Variants in GALNT13 observed in about 807,000 individuals in gnomAD.
GALNT13 encodes polypeptide N-acetylgalactosaminyltransferase 13, also known as UDP-GalNAc:polypeptide N-acetylgalactosaminyltransferase 13.
GALNT13 carries 28 observed loss-of-function variants against 64.2 expected under a neutral mutation model. The observed-to-expected ratio is 0.44, with a 90% confidence interval of 0.32 to 0.60. The LOEUF (loss-of-function observed/expected upper bound fraction) is 0.60, where lower values mean the gene tolerates loss of function less well. GALNT13 is among the 20% of genes least tolerant of loss of function. GALNT13 has a pLI of 0.05. For missense variants in GALNT13, 577 were observed against 669.8 expected, an observed-to-expected ratio of 0.86 and a Z score of 1.53; for synonymous variants, 214 against 224.6, an observed-to-expected ratio of 0.95 and a Z score of 0.42.
rs981712128 is a variant in GALNT13, at chr2:154,033,662, G to A, written c.142+89023G>A. On this transcript the variant is annotated intron_variant, in intron 3 of 12. Coordinates refer to ENST00000392825, the MANE Select transcript of GALNT13 (RefSeq NM_052917.4). ...AACTTTATAAAAACTGAAAGGGGCC[G>A]AGCGTGGTGGCTTACGCCTGTAATC... Among the ~76,000 whole-genome samples, 8 of 152,120 alleles carry A rather than the reference G, an allele frequency of 5.3e-5. No individual in the cohort carries two copies. The South Asian group carries it at 8.3e-4, about 16-fold the overall frequency.
At chr2:154,067,669 ACATTGGACTTAATCTG>A (rs1700539278) in intron 3 of GALNT13, among the ~76,000 whole-genome samples, 1 of 152,102 alleles carries the variant, frequency 6.6e-6, no homozygotes, top group Non-Finnish European at 1.5e-5. Context: ...AGACAAAGAA[ACATTGGACTTAATCTG>A]CATTATGTCT....
the GALNT13 span, among the ~76,000 whole-genome samples, chr2:153,437,874 G>A: frequency 2.0e-5 from 3 of 152,318 alleles, no homozygotes; most frequent in East Asian, 5.8e-4. Flanking sequence ...TCATTATGAT[G>A]TTAGCTAGTT....
the GALNT13 span, among the ~76,000 whole-genome samples, chr2:153,114,242 A>C: frequency 6.6e-6 from 1 of 152,078 alleles, no homozygotes; most frequent in Admixed American, 6.6e-5. Flanking sequence ...ACGTAAGTTT[A>C]GTTGGTCAGC....
the GALNT13 span, among the ~76,000 whole-genome samples, chr2:153,737,126 G>T: frequency 6.6e-6 from 1 of 152,194 alleles, no homozygotes; most frequent in Non-Finnish European, 1.5e-5. Flanking sequence ...AAGCATGCGT[G>T]CCTGGTGGCT....
At chr2:153,750,773 TG>T in the GALNT13 span, among the ~76,000 whole-genome samples, 1 of 151,910 alleles carries the variant, frequency 6.6e-6, no homozygotes, top group African/African-American at 2.4e-5. Flanking sequence ...AACAACTTTT[TG>T]TTTCATTGAT....
chr2:154,298,828 A>ATTAT (rs1425798541), intron 8 of GALNT13, among the ~76,000 whole-genome samples: 1,196 of 4,308 alleles, frequency 0.28, 487 homozygotes, highest in Middle Eastern at 0.67. Context: ...TTATATATAC[A>ATTAT]TTATATATAA....
chr2:154,380,919 C>G (rs1433253484), intron 9 of GALNT13, among the ~76,000 whole-genome samples: 2 of 151,956 alleles, frequency 1.3e-5, no homozygotes, highest in Non-Finnish European at 2.9e-5. Context: ...GTCTGTTTGC[C>G]AGCATTTTCT....
At chr2:153,255,652 G>A in the GALNT13 span, among the ~76,000 whole-genome samples, 1 of 151,978 alleles carries the variant, frequency 6.6e-6, no homozygotes, top group Non-Finnish European at 1.5e-5. Flanking sequence ...GCTCTTTTAG[G>A]GCAGGCCTGG....
At chr2:153,357,015 A>G in the GALNT13 span, among the ~76,000 whole-genome samples, 7 of 151,860 alleles carry the variant, frequency 4.6e-5, no homozygotes, top group African/African-American at 1.7e-4. Flanking sequence ...TCACCGTGTT[A>G]GCCAGGATGG....
chr2:154,388,498 T>TCTTTG (rs1698621047), intron 9 of GALNT13, among the ~76,000 whole-genome samples: 1 of 152,054 alleles, frequency 6.6e-6, no homozygotes, highest in African/African-American at 2.4e-5. Context: ...TCCTGTGTTT[T>TCTTTG]AGTACTTTTA....
intron 9 of GALNT13, among the ~76,000 whole-genome samples, chr2:154,395,607 A>G (rs1699019819): frequency 6.6e-6 from 1 of 152,164 alleles, no homozygotes; most frequent in South Asian, 2.1e-4. Context: ...CTATAGGGAA[A>G]GTGTGAATAT....
chr2:154,127,176 C>CA (rs2105534526), intron 3 of GALNT13, among the ~76,000 whole-genome samples: 1 of 152,074 alleles, frequency 6.6e-6, no homozygotes, highest in Non-Finnish European at 1.5e-5. Flanking sequence ...TTTTCCCTCC[C>CA]CAGTAGCATG....
At chr2:153,730,392 A>G in the GALNT13 span, among the ~76,000 whole-genome samples, 8 of 151,964 alleles carry the variant, frequency 5.3e-5, no homozygotes, top group Admixed American at 1.3e-4. Context: ...TTGGATAGCT[A>G]TAAGTAGAAG....
chr2:154,208,133 A>G (rs1687564607), intron 4 of GALNT13, among the ~76,000 whole-genome samples: 1 of 152,230 alleles, frequency 6.6e-6, no homozygotes, highest in South Asian at 2.1e-4. Flanking sequence ...AAAATTAACC[A>G]AAAGGTCATT....
the GALNT13 span, among the ~76,000 whole-genome samples, chr2:153,675,814 T>C: frequency 6.6e-6 from 1 of 152,076 alleles, no homozygotes. Flanking sequence ...TCTTCAAAAC[T>C]AATGAAATCA....
intron 3 of GALNT13, among the ~76,000 whole-genome samples, chr2:154,111,129 G>T (rs10221673): frequency 2.0e-5 from 3 of 152,122 alleles, no homozygotes; most frequent in African/African-American, 7.2e-5. Flanking sequence ...TCATGTGTTC[G>T]TAGGTGGTAT....
chr2:153,313,495 A>G, the GALNT13 span, among the ~76,000 whole-genome samples: 3 of 152,004 alleles, frequency 2.0e-5, no homozygotes, highest in African/African-American at 7.2e-5. Context: ...AAACTAAATG[A>G]TGAGAACAAT....
At chr2:153,656,343 C>T in the GALNT13 span, among the ~76,000 whole-genome samples, 26,602 of 101,516 alleles carry the variant, frequency 0.26, 2,860 homozygotes, top group Non-Finnish European at 0.33. Context: ...TGTGTGTGCG[C>T]GCGCACATAT....
chr2:153,545,722 G>A, the GALNT13 span, among the ~76,000 whole-genome samples: 2 of 152,256 alleles, frequency 1.3e-5, no homozygotes, highest in South Asian at 4.1e-4. Flanking sequence ...TTGAGGTTAT[G>A]CCCCAATATC....
Sources: allele counts gnomAD v4.1 joint callset (sites outside exome capture counted in the v4.1 genomes callset), GRCh38; gene constraint gnomAD v4.1.1; transcripts MANE v1.5; gene names NCBI Gene and HGNC (gene_info 2026-07-23, HGNC 2026-07-21).